The following GALNT16 variants were observed in gnomAD, a reference collection of about 807,000 sequenced individuals.
The protein encoded by GALNT16 is UDP-GalNAc:polypeptide N-acetylgalactosaminyltransferase-like protein 1.
GALNT16 carries 40 observed loss-of-function variants against 76.1 expected under a neutral mutation model. That is an observed-to-expected ratio of 0.53 (90% confidence interval 0.41 to 0.68). GALNT16 has a LOEUF of 0.68. GALNT16 is among the 30% of genes least tolerant of loss of function. GALNT16 has a pLI of 0.00. For missense variants in GALNT16, 621 were observed against 731.9 expected (o/e 0.85, Z 1.75); for synonymous variants, 276 against 285.2 (o/e 0.97, Z 0.32).
intron 1 of GALNT16, among the ~76,000 whole-genome samples, chr14:69,304,511 A>G (rs2044903546): frequency 6.6e-6 from 1 of 152,200 alleles, no homozygotes; most frequent in Non-Finnish European, 1.5e-5. Context: ...TGTAAAATCC[A>G]TTATGATTGA....
intron 1 of GALNT16, among the ~76,000 whole-genome samples, chr14:69,268,258 T>C (rs1161055194): frequency 2.0e-5 from 3 of 152,124 alleles, no homozygotes; most frequent in South Asian, 2.1e-4. Context: ...ACAACACCCA[T>C]GGACTTTACT....
the GALNT16 span, among the ~76,000 whole-genome samples, chr14:69,373,588 A>T: frequency 6.6e-6 from 1 of 152,200 alleles, no homozygotes; most frequent in Non-Finnish European, 1.5e-5. Flanking sequence ...TAGCTGAAGG[A>T]GTTACTATTA....
At position 69,278,099 on chromosome 14, in the gene GALNT16, C is replaced by G. The variant is rs534296491; in HGVS notation, c.177+17632C>G. Among the ~76,000 whole-genome samples, 8 of 151,914 alleles carry G rather than the reference C, an allele frequency of 5.3e-5. No individual in the cohort carries two copies. In the South Asian group the frequency reaches 1.5e-3, roughly 28 times the overall value. ...TCAAAGCTCACTATAACCTCCAACT[C>G]CTGGGCTCAAGTATCTACCCACCTC... On this transcript the variant is annotated intron_variant, in intron 1 of 14. Coordinates refer to ENST00000448469, the MANE Select transcript of GALNT16 (RefSeq NM_001168368.2).
Position 69,260,308 on chromosome 14 carries a change from C to T in GALNT16, c.18C>T (p.Ala6=). 1 of 1,612,868 alleles carries T rather than the reference C, an allele frequency of 6.2e-7. No individual in the cohort carries two copies. The highest frequency in any genetic ancestry group is 8.5e-7 in the Non-Finnish European group (1 of 1,179,444). The change falls in exon 1 of 15, where the codon GCC becomes GCT. Residue 6 remains alanine, a synonymous_variant. Coordinates refer to ENST00000448469, the MANE Select transcript of GALNT16 (RefSeq NM_001168368.2). ...TGCCCACCATGAGGAAGATCCGCGC[C>T]AATGCCATCGCCATCCTGACCGTAG... MRKIR[A]NAIAILTVAW... is the part of the protein sequence containing the mutation.
rs183639966 is a variant in GALNT16, at chr14:69,281,551, C to T, written c.177+21084C>T. ...CAGTGCTCTGCTTGTCTGCCCTCCCCGCTTTCAATGTTCTGTGAGCCTGGC... is the reference window on the plus strand; with the variant it reads ...CAGTGCTCTGCTTGTCTGCCCTCCCTGCTTTCAATGTTCTGTGAGCCTGGC... On this transcript the variant is annotated intron_variant, in intron 1 of 14. Transcript: ENST00000448469. Among the ~76,000 whole-genome samples, 399 of 152,276 alleles carry T rather than the reference C, an allele frequency of 2.6e-3. 1 individual carries two copies. Among genetic ancestry groups the T allele is most frequent in the Non-Finnish European group, 5.0e-3 (337 of 68,030 alleles).
In GALNT16 at chr14:69,352,161, A is replaced by G. The variant is rs1316668968; in HGVS notation, c.1670A>G (p.His557Arg). ...AQAQQWQLLP[H>R]T ...GCCCAGCAGTGGCAGCTGTTGCCAC[A>G]CACATGACGGTAGCCCTGGGGCCTC... The change falls in exon 15 of 15, where the codon CAC becomes CGC. Residue 557 changes from histidine (H) to arginine (R), a missense_variant. Physicochemically the swap from His to Arg is conservative, Grantham distance 29 (BLOSUM62 0). Coordinates refer to ENST00000448469, the MANE Select transcript of GALNT16 (RefSeq NM_001168368.2). 15 of 1,610,566 alleles carry G rather than the reference A, an allele frequency of 9.3e-6. No individual in the cohort carries two copies. Among genetic ancestry groups the G allele is most frequent in the Non-Finnish European group, 1.2e-5 (14 of 1,178,014 alleles).
rs747618248 is a variant in GALNT16 at position 69,333,068 on chromosome 14, C to T, written c.779-17C>T. On this transcript the variant is annotated splice_polypyrimidine_tract_variant and intron_variant, in intron 7 of 14. Transcript: ENST00000448469. This position sits in a 1 kb window ranked among gnomAD's most constrained non-coding sequence, Gnocchi z 4.2. Reference sequence around the variant, plus strand: ...GCTCTGCCCTGAGCTCTGTCCTCACCTTGCTGTGTCCCTTAGGGTTCGACT... The same window carrying T: ...GCTCTGCCCTGAGCTCTGTCCTCACTTTGCTGTGTCCCTTAGGGTTCGACT... 5 of 1,594,570 alleles carry T rather than the reference C, an allele frequency of 3.1e-6. No homozygotes were observed. The South Asian group carries it at 3.3e-5, about 11-fold the overall frequency.
At chr14:69,327,370 G>T (rs548254080) in intron 5 of GALNT16, among the ~76,000 whole-genome samples, 2 of 152,220 alleles carry the variant, frequency 1.3e-5, no homozygotes, top group East Asian at 3.9e-4. Context: ...AAAAAAGAAA[G>T]AAAGAAAGAA....
chr14:69,260,043 C>G, upstream of GALNT16: 1 of 447,804 alleles, frequency 2.2e-6, no homozygotes, highest in Middle Eastern at 6.3e-4. Context: ...CGGCCCTGCG[C>G]ACGAATGAAT....
the GALNT16 span, among the ~76,000 whole-genome samples, chr14:69,367,141 C>T: frequency 1.6e-4 from 25 of 152,094 alleles, no homozygotes; most frequent in Admixed American, 9.8e-4. Context: ...AACAGGGAGG[C>T]GGATTTTTGG....
chr14:69,362,639 A>C, the GALNT16 span, among the ~76,000 whole-genome samples: 2 of 152,246 alleles, frequency 1.3e-5, no homozygotes, highest in East Asian at 3.8e-4. Context: ...ACTGTTCTCA[A>C]CTGAAAAATG....
In GALNT16 at chr14:69,347,085, G is replaced by A. The variant is rs893082598; in HGVS notation, c.1317G>A (p.Val439=). The A allele has an allele frequency of 1.2e-6, 2 of 1,613,728 alleles. No homozygotes were observed. Among genetic ancestry groups the A allele is most frequent in the Non-Finnish European group, 1.7e-6 (2 of 1,179,642 alleles). Residue 439 remains valine, a synonymous_variant, in exon 13 of 15, where the codon GTG becomes GTA. Coordinates refer to ENST00000448469, the MANE Select transcript of GALNT16 (RefSeq NM_001168368.2). ...EALPGIIKQG[V]NCLESQGQNT... is the part of the protein sequence containing the mutation. Reference sequence around the variant, plus strand: ...TCCCCGGCATCATTAAGCAGGGGGTGAACTGCTTAGAATCTCAGGGCCAGA... The same window carrying A: ...TCCCCGGCATCATTAAGCAGGGGGTAAACTGCTTAGAATCTCAGGGCCAGA...
intron 1 of GALNT16, among the ~76,000 whole-genome samples, chr14:69,279,088 C>T (rs2044508572): frequency 6.6e-6 from 1 of 152,116 alleles, no homozygotes; most frequent in African/African-American, 2.4e-5. Context: ...CTCGCCACCA[C>T]TCCTGGCTAA....
chr14:69,333,395 G>T lies in GALNT16; in HGVS notation c.864-102G>T, dbSNP rs1364688121. On this transcript the variant is annotated intron_variant, in intron 8 of 14. Coordinates refer to ENST00000448469, the MANE Select transcript of GALNT16 (RefSeq NM_001168368.2). The surrounding 1 kb of genome is among the most constrained non-coding windows in gnomAD (Gnocchi z 4.2). Reference sequence around the variant, plus strand: ...GACATCCTGCCCCAGTGACTCTGCAGGGAGGGATCTAGAGGCAGACGGTCT... The same window carrying T: ...GACATCCTGCCCCAGTGACTCTGCATGGAGGGATCTAGAGGCAGACGGTCT... 9.1e-6 allele frequency: 7 copies of T among 765,798 alleles called. No individual in the cohort carries two copies. Among genetic ancestry groups the T allele is most frequent in the South Asian group, 1.5e-5 (1 of 67,480 alleles). The allele number at this position is 765,798 out of a possible 1,614,324, so 47.4% of individuals were successfully genotyped here.
chr14:69,320,983 C>A, intron 2 of GALNT16, 115 bp downstream of exon 2: 2 of 1,084,678 alleles, frequency 1.8e-6, no homozygotes, highest in East Asian at 2.5e-5. Context: ...CAGACTGTGT[C>A]CAGTGATTTA....
intron 6 of GALNT16, 57 bp from the exon 7 acceptor site, chr14:69,331,407 A>C: frequency 3.2e-6 from 3 of 936,002 alleles, no homozygotes; most frequent in Non-Finnish European, 5.3e-6. Context: ...GCAGGCAGCT[A>C]GGCCTTTTTC....
intron 1 of GALNT16, among the ~76,000 whole-genome samples, chr14:69,306,513 A>G (rs1566873416): frequency 1.3e-5 from 2 of 152,212 alleles, no homozygotes; most frequent in Non-Finnish European, 2.9e-5. Flanking sequence ...TCGTTGCTAA[A>G]TATTCTATTC....
Position 69,261,606 on chromosome 14 carries a change from G to A in GALNT16, c.177+1139G>A, listed in dbSNP as rs992257798. ...TGGGGGTGGAGGGGTGAGGAGATCCGCGGGGGAGGTGCAAGGTCCGGAGGG... is the reference window on the plus strand; with the variant it reads ...TGGGGGTGGAGGGGTGAGGAGATCCACGGGGGAGGTGCAAGGTCCGGAGGG... On this transcript the variant is annotated intron_variant, in intron 1 of 14. Coordinates refer to ENST00000448469, the MANE Select transcript of GALNT16 (RefSeq NM_001168368.2). This position sits in a 1 kb window ranked among gnomAD's most constrained non-coding sequence, Gnocchi z 6.4. Among the ~76,000 whole-genome samples, 2 of 152,048 alleles carry A rather than the reference G, an allele frequency of 1.3e-5. No homozygotes were observed. Among genetic ancestry groups the A allele is most frequent in the Non-Finnish European group, 2.9e-5 (2 of 67,994 alleles).
Position 69,333,010 on chromosome 14 carries a change from G to A in GALNT16, c.779-75G>A. ...GGCTCTGATCAGGGGAGACTCCGAG[G>A]GGTGGTGGAGTGAAGGGTCTCAGCA... On this transcript the variant is annotated intron_variant, in intron 7 of 14. Transcript: ENST00000448469. The surrounding 1 kb of genome is among the most constrained non-coding windows in gnomAD (Gnocchi z 4.2). 1 of 989,062 alleles carries A rather than the reference G, an allele frequency of 1.0e-6. No individual in the cohort carries two copies. The highest frequency in any genetic ancestry group is 2.4e-5 in the East Asian group (1 of 42,054). 61.3% of individuals were successfully genotyped at this position (989,062 alleles called of 1,614,324 possible). A position where few individuals can be genotyped will look rare whatever the true frequency, so the allele number is the denominator to read the frequency against.
Sources: allele counts gnomAD v4.1 joint callset (sites outside exome capture counted in the v4.1 genomes callset), GRCh38; gene constraint gnomAD v4.1.1; non-coding constraint Gnocchi (gnomAD v3.1); transcripts MANE v1.5; gene names NCBI Gene and HGNC (gene_info 2026-07-23, HGNC 2026-07-21).